The following DLST variants were observed in gnomAD, a reference collection of about 807,000 sequenced individuals.
DLST encodes dihydrolipoamide S-succinyltransferase, also known as dihydrolipoyllysine-residue succinyltransferase component of 2-oxoglutarate dehydrogenase complex, mitochondrial.
Under a neutral mutation model 53.1 loss-of-function variants are expected in DLST, and 17 were observed. The ratio of observed to expected loss-of-function variants is 0.32; its 90% confidence interval spans 0.22 to 0.48. The LOEUF is 0.48. Among genes scored for constraint, DLST ranks in the 20% least tolerant of loss-of-function variants. The pLI, the probability that DLST is intolerant of heterozygous loss-of-function variation, is 0.99. For missense variants in DLST, 512 were observed against 583.9 expected (o/e 0.88, Z 1.27); for synonymous variants, 206 against 204.8 (o/e 1.01, Z -0.05).
intron 3 of DLST, 143 bp downstream of exon 3, chr14:74,885,777 C>T (rs1883682633): frequency 1.4e-6 from 1 of 725,276 alleles, no homozygotes; most frequent in South Asian, 1.9e-5. Context: ...AGACTAACCT[C>T]AATGTTCACT....
chr14:74,890,080 T>C (rs1883849714), intron 6 of DLST, 128 bp downstream of exon 6: 1 of 724,630 alleles, frequency 1.4e-6, no homozygotes, highest in South Asian at 2.5e-5. Flanking sequence ...TGTAAAATTA[T>C]TGGATTTGTT....
intron 7 of DLST, chr14:74,891,481 A>G: frequency 9.9e-7 from 1 of 1,014,414 alleles, no homozygotes; most frequent in South Asian, 4.3e-5. Context: ...AAAATCTGAA[A>G]TGCTCCAAAA....
At chr14:74,894,282 T>C in intron 9 of DLST, 30 bp from the exon 10 acceptor site, 2 of 1,612,382 alleles carry the variant, frequency 1.2e-6, no homozygotes, top group Non-Finnish European at 1.7e-6. Flanking sequence ...GAGATCAGAT[T>C]GTCAATGCTT....
At chr14:74,882,099 C>G (rs1434502006) in intron 1 of DLST, 83 bp downstream of exon 1, 28 of 1,282,190 alleles carry the variant, frequency 2.2e-5, no homozygotes, top group Non-Finnish European at 2.8e-5. Flanking sequence ...AGGGGCGCGG[C>G]GCGCCGGCCG....
intron 11 of DLST, among the ~76,000 whole-genome samples, chr14:74,899,221 G>C (rs369590786): frequency 6.6e-6 from 1 of 151,892 alleles, no homozygotes; most frequent in African/African-American, 2.4e-5. Flanking sequence ...ATGCCTCCCT[G>C]ACTGGCTCTC....
intron 3 of DLST, among the ~76,000 whole-genome samples, chr14:74,887,141 C>T (rs1007063710): frequency 6.6e-6 from 1 of 152,062 alleles, no homozygotes; most frequent in Admixed American, 6.5e-5. Context: ...TAAATATTAT[C>T]AGATTTATCT....
chr14:74,901,548 C>T (rs1014607913), intron 14 of DLST, among the ~76,000 whole-genome samples: 38 of 152,202 alleles, frequency 2.5e-4, no homozygotes, highest in African/African-American at 6.3e-4. Context: ...TAGTTGGAAA[C>T]GTGGTCCCTT....
chr14:74,882,077 G>A (rs1215877272), intron 1 of DLST, 61 bp downstream of exon 1: 3 of 1,396,576 alleles, frequency 2.1e-6, no homozygotes, highest in Non-Finnish European at 2.8e-6. Flanking sequence ...GCAGAGAGGC[G>A]GCCTGGAAGG....
In DLST at chr14:74,902,558, T is replaced by C. The variant is rs2140206079; in HGVS notation, c.*228T>C. On this transcript the variant is annotated 3_prime_UTR_variant, in exon 15 of 15. Coordinates refer to ENST00000334220, the MANE Select transcript of DLST (RefSeq NM_001933.5). ...CATAGCCTCGAATATCTTAATTCCT[T>C]AGGCTTAAGAGAGAGAGCCTTAATG... 1 of 423,878 alleles carries C rather than the reference T, an allele frequency of 2.4e-6. No homozygotes were observed. The highest frequency in any genetic ancestry group is 3.7e-5 in the East Asian group (1 of 27,374). 26.3% of individuals were successfully genotyped at this position (423,878 alleles called of 1,614,324 possible). A position where few individuals can be genotyped will look rare whatever the true frequency, so the allele number is the denominator to read the frequency against.
At chr14:74,895,372 T>C (rs999904227) in intron 10 of DLST, among the ~76,000 whole-genome samples, 1 of 152,232 alleles carries the variant, frequency 6.6e-6, no homozygotes, top group Non-Finnish European at 1.5e-5. Flanking sequence ...AAGATTTCAA[T>C]GTGTTCAAGT....
chr14:74,885,532 T>C (rs961690259), intron 2 of DLST, 54 bp from the exon 3 acceptor site: 2 of 1,579,502 alleles, frequency 1.3e-6, no homozygotes, highest in East Asian at 2.2e-5. Flanking sequence ...ATTCCCAGCA[T>C]GTATCCTTTG....
rs776356405 is a variant in DLST, at chr14:74,894,349, G to A, written c.710G>A (p.Arg237His). ...MNRMRQRIAQRLKEAQNTCAM... is the reference protein window; with the variant it reads ...MNRMRQRIAQHLKEAQNTCAM... ...AGGATGCGGCAGCGCATTGCTCAGC[G>A]TCTGAAGGAGGCCCAGAATACATGT... Residue 237 changes from arginine to histidine, a missense_variant, in exon 10 of 15, where the codon CGT becomes CAT. Arg to His is a conservative substitution (Grantham distance 29). Around this residue, in one of 4 missense-constraint regions of DLST, gnomAD observed 162 missense variants for 162.0 expected, o/e 1.00. Transcript: ENST00000334220. 9.3e-6 allele frequency: 15 copies of A among 1,614,152 alleles called. No individual in the cohort carries two copies. The highest frequency in any genetic ancestry group is 1.6e-4 in the Middle Eastern group (1 of 6,062).
chr14:74,882,542 G>GTT, intron 1 of DLST, 49 bp from the exon 2 acceptor site: 4 of 1,572,750 alleles, frequency 2.5e-6, no homozygotes, highest in Non-Finnish European at 2.6e-6. Flanking sequence ...AAAAAGCTGG[G>GTT]TTTTTTTTTC....
intron 1 of DLST, among the ~76,000 whole-genome samples, chr14:74,882,231 G>A (rs1883545625): frequency 6.6e-6 from 1 of 152,188 alleles, no homozygotes; most frequent in Admixed American, 6.5e-5. Context: ...GGCAGCCTGC[G>A]GGGAACGTTT....
Position 74,896,026 on chromosome 14 carries a change from T to G in DLST, c.770+1617T>G, listed in dbSNP as rs1032494072. The stretch of plus-strand genomic sequence containing the variant: ...CATGTGCCACCAGGCTTGGCCAATT[T>G]TTTTAGTTTTTGTAGAGACAAGGTC... On this transcript the variant is annotated intron_variant, in intron 10 of 14. Coordinates refer to ENST00000334220, the MANE Select transcript of DLST (RefSeq NM_001933.5). 3.9e-5 allele frequency among the ~76,000 whole-genome samples: 6 copies of G among 152,276 alleles called. No individual in the cohort carries two copies. The South Asian group carries it at 1.2e-3, about 32-fold the overall frequency.
At chr14:74,891,775 A>G (rs1883916045) in intron 7 of DLST, 1 of 985,046 alleles carries the variant, frequency 1.0e-6, no homozygotes. Context: ...GTACCCGTAG[A>G]CCAACGAGTC....
At chr14:74,884,944 G>A (rs7145173) in intron 2 of DLST, among the ~76,000 whole-genome samples, 47,877 of 152,054 alleles carry the variant, frequency 0.31, 7,705 homozygotes, top group African/African-American at 0.33. Flanking sequence ...AGGACAGCTG[G>A]TGGGCAGAAA....
In DLST at chr14:74,898,185, G is replaced by A. The variant is rs75268511; in HGVS notation, c.771-184G>A. On this transcript the variant is annotated intron_variant, in intron 10 of 14. Transcript: ENST00000334220. ...AGACAGATTGGGCCTGATTCCTGTAGATTTCTTTGTAAAAGAACAGAGTTA... is the reference window on the plus strand; with the variant it reads ...AGACAGATTGGGCCTGATTCCTGTAAATTTCTTTGTAAAAGAACAGAGTTA... Among the ~76,000 whole-genome samples, 37 of 152,174 alleles carry A rather than the reference G, an allele frequency of 2.4e-4. 1 individual carries two copies. The East Asian group carries it at 7.2e-3, about 29-fold the overall frequency.
At chr14:74,885,548 TAA>T in intron 2 of DLST, 36 bp from the exon 3 acceptor site, 10 of 1,608,668 alleles carry the variant, frequency 6.2e-6, no homozygotes, top group Non-Finnish European at 8.5e-6. Flanking sequence ...CTTTGTGAGA[TAA>T]GAGTTGTTGG....
Sources: allele counts gnomAD v4.1 joint callset (sites outside exome capture counted in the v4.1 genomes callset), GRCh38; gene constraint gnomAD v4.1.1; regional missense constraint gnomAD v4.1.1; transcripts MANE v1.5; gene names NCBI Gene and HGNC (gene_info 2026-07-23, HGNC 2026-07-21).